The following ENOX1 variants were observed in gnomAD, a reference collection of about 807,000 sequenced individuals.
The protein encoded by ENOX1 is ecto-NOX disulfide-thiol exchanger 1.
Under a neutral mutation model 82.5 loss-of-function variants are expected in ENOX1, and 42 were observed. That is an observed-to-expected ratio of 0.51 (90% confidence interval 0.40 to 0.66). ENOX1 has a LOEUF of 0.66. ENOX1 is among the 30% of genes least tolerant of loss of function. ENOX1 has a pLI of 0.00. For synonymous variants in ENOX1, 271 were observed against 282.2 expected, an observed-to-expected ratio of 0.96 and a Z score of 0.40; for missense variants, 608 against 811.6, an observed-to-expected ratio of 0.75 and a Z score of 3.05.
At chr13:43,580,500 C>T (rs1224941734) in intron 2 of ENOX1, among the ~76,000 whole-genome samples, 1 of 152,162 alleles carries the variant, frequency 6.6e-6, no homozygotes, top group African/African-American at 2.4e-5. Context: ...CAGGTGAATA[C>T]CTAAAAATAC....
chr13:43,575,212 C>T (rs745771981), intron 2 of ENOX1, among the ~76,000 whole-genome samples: 2 of 152,164 alleles, frequency 1.3e-5, no homozygotes, highest in African/African-American at 4.8e-5. Context: ...GGGGACTGCA[C>T]AGGACTTTCT....
intron 3 of ENOX1, among the ~76,000 whole-genome samples, chr13:43,428,809 G>T (rs2055483509): frequency 6.6e-6 from 1 of 152,192 alleles, no homozygotes; most frequent in Non-Finnish European, 1.5e-5. Context: ...GGGGGGTACT[G>T]TGGAGGTGGG....
intron 2 of ENOX1, among the ~76,000 whole-genome samples, chr13:43,559,741 GA>G (rs1297196363): frequency 2.6e-5 from 4 of 152,132 alleles, no homozygotes; most frequent in Admixed American, 1.3e-4. Context: ...AGGTTAGCAA[GA>G]TGTGTTTATA....
At chr13:43,273,627 C>A (rs1000147593) in intron 12 of ENOX1, among the ~76,000 whole-genome samples, 5 of 152,152 alleles carry the variant, frequency 3.3e-5, no homozygotes, top group Non-Finnish European at 7.4e-5. Flanking sequence ...TAGAGACAAT[C>A]CCTCACCAGG....
At chr13:43,445,659 T>C (rs1020293893) in intron 3 of ENOX1, among the ~76,000 whole-genome samples, 3 of 152,184 alleles carry the variant, frequency 2.0e-5, no homozygotes, top group Non-Finnish European at 1.5e-5. Flanking sequence ...TTTAAAAGAC[T>C]GTGTTTTACA....
chr13:43,585,545 G>T (rs2080937679), intron 2 of ENOX1, among the ~76,000 whole-genome samples: 1 of 152,120 alleles, frequency 6.6e-6, no homozygotes, highest in Admixed American at 6.5e-5. Context: ...AAGACCTATT[G>T]ATTCTGTCTC....
intron 7 of ENOX1, among the ~76,000 whole-genome samples, chr13:43,358,031 C>T (rs1277041165): frequency 2.0e-5 from 3 of 152,148 alleles, no homozygotes; most frequent in Non-Finnish European, 4.4e-5. Context: ...TCTTCTCCTC[C>T]TACAGTAATG....
intron 1 of ENOX1, among the ~76,000 whole-genome samples, chr13:43,777,964 T>C (rs1337262074): frequency 6.6e-6 from 1 of 152,216 alleles, no homozygotes; most frequent in African/African-American, 2.4e-5. Context: ...ACTCACATGC[T>C]CAGTATTTCT....
intron 2 of ENOX1, among the ~76,000 whole-genome samples, chr13:43,612,231 T>C (rs1594092217): frequency 6.6e-6 from 1 of 152,136 alleles, no homozygotes; most frequent in East Asian, 1.9e-4. Context: ...TAAGATGGTG[T>C]GTATTACAGC....
chr13:43,229,780 G>A (rs2042194310), intron 15 of ENOX1, among the ~76,000 whole-genome samples: 1 of 152,280 alleles, frequency 6.6e-6, no homozygotes, highest in Non-Finnish European at 1.5e-5. Flanking sequence ...TGTGAGCAGT[G>A]AGGCTGGGGA....
intron 12 of ENOX1, among the ~76,000 whole-genome samples, chr13:43,287,657 A>G (rs2045775946): frequency 6.6e-6 from 1 of 152,242 alleles, no homozygotes; most frequent in South Asian, 2.1e-4. Context: ...ACCTCTGGTC[A>G]GTGAAGACGG....
intron 2 of ENOX1, among the ~76,000 whole-genome samples, chr13:43,592,836 C>A (rs1048000717): frequency 6.6e-6 from 1 of 152,184 alleles, no homozygotes; most frequent in Non-Finnish European, 1.5e-5. Flanking sequence ...ACATTAGGAT[C>A]TGATAAAATC....
intron 3 of ENOX1, among the ~76,000 whole-genome samples, chr13:43,453,654 G>A (rs2057080572): frequency 6.6e-6 from 1 of 152,152 alleles, no homozygotes; most frequent in Non-Finnish European, 1.5e-5. Flanking sequence ...ATTATCCGGG[G>A]TCCCTCAAAG....
At chr13:43,541,177 T>TTTTTTTTTTTTTTTTG (rs1409768132) in intron 2 of ENOX1, among the ~76,000 whole-genome samples, 1 of 35,140 alleles carries the variant, frequency 2.8e-5, no homozygotes, top group African/African-American at 1.3e-4. Flanking sequence ...CCCTCTGTTT[T>TTTTTTTTTTTTTTTTG]TTTTTTTTTT....
At chr13:43,570,560 G>A (rs2080133206) in intron 2 of ENOX1, among the ~76,000 whole-genome samples, 1 of 152,170 alleles carries the variant, frequency 6.6e-6, no homozygotes, top group South Asian at 2.1e-4. Flanking sequence ...GGTTAAGTGG[G>A]ATGAAAGCTA....
intron 16 of ENOX1, among the ~76,000 whole-genome samples, chr13:43,216,051 C>T (rs1003639917): frequency 6.6e-6 from 1 of 152,094 alleles, no homozygotes; most frequent in African/African-American, 2.4e-5. Flanking sequence ...AAAAAATTAG[C>T]CGGGTGTGGT....
At chr13:43,364,164 G>A (rs141933167) in intron 5 of ENOX1, among the ~76,000 whole-genome samples, 1,834 of 152,196 alleles carry the variant, frequency 0.012, 14 homozygotes, top group South Asian at 0.029. Flanking sequence ...TGATGTACTC[G>A]CTCATTAAAG....
At chr13:43,246,584 A>G (rs2043094006) in intron 14 of ENOX1, among the ~76,000 whole-genome samples, 1 of 152,220 alleles carries the variant, frequency 6.6e-6, no homozygotes, top group African/African-American at 2.4e-5. Context: ...TGTGACTTTT[A>G]ACCACAGTCT....
chr13:43,347,608 T>A (rs192716886), intron 8 of ENOX1, among the ~76,000 whole-genome samples: 70 of 152,348 alleles, frequency 4.6e-4, no homozygotes, highest in Non-Finnish European at 8.5e-4. Flanking sequence ...TCATTTTCAA[T>A]ACTCAACTGT....
Sources: gnomAD v4.1 joint callset for allele counts (sites outside exome capture counted in the v4.1 genomes callset) on GRCh38, gnomAD v4.1.1 for gene constraint, MANE v1.5 for transcripts, NCBI Gene and HGNC (gene_info 2026-07-23, HGNC 2026-07-21) for gene names.